The following ATP6V0D2 variants were observed in gnomAD, a reference collection of about 807,000 sequenced individuals.
ATP6V0D2 encodes the protein V-type proton ATPase subunit d 2.
In ATP6V0D2, 40 loss-of-function variants were observed where a neutral mutation model predicts 40.0. The ratio of observed to expected loss-of-function variants is 1.00; its 90% CI spans 0.78 to 1.30. The LOEUF is 1.30. Among genes scored for constraint, ATP6V0D2 ranks in the 50% most tolerant of loss-of-function variants. The pLI, the probability that ATP6V0D2 is intolerant of heterozygous loss-of-function variation, is 0.00. For missense variants in ATP6V0D2, 470 were observed against 423.1 expected, an observed-to-expected ratio of 1.11 and a Z score of -0.97; for synonymous variants, 179 against 156.3, an observed-to-expected ratio of 1.15 and a Z score of -1.08.
chr8:86,140,506 C>A (rs780949761), intron 3 of ATP6V0D2, among the ~76,000 whole-genome samples: 1 of 152,022 alleles, frequency 6.6e-6, no homozygotes, highest in African/African-American at 2.4e-5. Flanking sequence ...TGGAAATAAT[C>A]GTATCTTTTT....
chr8:86,123,601 G>C (rs991022930), intron 2 of ATP6V0D2, among the ~76,000 whole-genome samples: 2 of 152,110 alleles, frequency 1.3e-5, no homozygotes, highest in Admixed American at 1.3e-4. Context: ...GATTTAACAG[G>C]ATTTAGTATC....
chr8:86,119,564 G>A (rs1044976329), intron 2 of ATP6V0D2, among the ~76,000 whole-genome samples: 3 of 152,028 alleles, frequency 2.0e-5, no homozygotes, highest in Admixed American at 6.6e-5. Context: ...AGGAAACTTA[G>A]CATTCATTAA....
At chr8:86,140,111 C>A (rs1188867871) in intron 3 of ATP6V0D2, among the ~76,000 whole-genome samples, 2 of 152,052 alleles carry the variant, frequency 1.3e-5, no homozygotes, top group East Asian at 3.9e-4. Flanking sequence ...TGTCATTTTT[C>A]TGAGATGCTC....
intron 1 of ATP6V0D2, among the ~76,000 whole-genome samples, chr8:86,100,832 A>G (rs1818386920): frequency 6.6e-6 from 1 of 151,990 alleles, no homozygotes; most frequent in South Asian, 2.1e-4. Flanking sequence ...AAATGCAAGG[A>G]ATACATAAAA....
chr8:86,142,346 C>T (rs746735736), intron 4 of ATP6V0D2, among the ~76,000 whole-genome samples: 2 of 152,178 alleles, frequency 1.3e-5, no homozygotes, highest in Non-Finnish European at 2.9e-5. Context: ...ATGCTATCTC[C>T]ATTCCTCAGA....
At chr8:86,145,944 G>A (rs777005003) in intron 5 of ATP6V0D2, among the ~76,000 whole-genome samples, 5 of 152,158 alleles carry the variant, frequency 3.3e-5, no homozygotes, top group Non-Finnish European at 7.3e-5. Flanking sequence ...CACAGAATAG[G>A]TAGTCTAGTA....
At chr8:86,119,919 C>T (rs1818646828) in intron 2 of ATP6V0D2, among the ~76,000 whole-genome samples, 1 of 152,110 alleles carries the variant, frequency 6.6e-6, no homozygotes, top group South Asian at 2.1e-4. Context: ...AATATAGAAT[C>T]CTGCATTCAG....
chr8:86,147,313 A>G (rs1392174401), intron 5 of ATP6V0D2, among the ~76,000 whole-genome samples: 2 of 152,226 alleles, frequency 1.3e-5, no homozygotes, highest in Non-Finnish European at 2.9e-5. Flanking sequence ...TGCAACCGAT[A>G]GTGATTTTGA....
intron 6 of ATP6V0D2, among the ~76,000 whole-genome samples, chr8:86,150,738 T>C (rs1819137969): frequency 6.6e-6 from 1 of 152,216 alleles, no homozygotes; most frequent in Non-Finnish European, 1.5e-5. Context: ...TCCACTCACC[T>C]TGCTGAGTGG....
At chr8:86,110,871 C>T (rs1422134073) in intron 1 of ATP6V0D2, among the ~76,000 whole-genome samples, 3 of 152,092 alleles carry the variant, frequency 2.0e-5, no homozygotes, top group Middle Eastern at 3.2e-3. Context: ...ACAGGACTGG[C>T]ATCATAAGAC....
At chr8:86,122,768 C>T (rs1454055557) in intron 2 of ATP6V0D2, among the ~76,000 whole-genome samples, 4 of 152,090 alleles carry the variant, frequency 2.6e-5, no homozygotes, top group Non-Finnish European at 4.4e-5. Context: ...GAATTTTGGC[C>T]ATTGTTTAAA....
rs77669947 is a variant in ATP6V0D2, at chr8:86,107,367, G to A, written c.131-6342G>A. 1.7e-3 allele frequency among the ~76,000 whole-genome samples: 254 copies of A among 152,230 alleles called. 1 individual carries two copies. The highest frequency in any genetic ancestry group is 3.0e-3 in the Non-Finnish European group (207 of 68,008). ...GGAGAGAAGGCTGGAATTCAGGCTGGGAAAACTCTGAAAAACCTTGAAGGT... is the reference window on the plus strand; with the variant it reads ...GGAGAGAAGGCTGGAATTCAGGCTGAGAAAACTCTGAAAAACCTTGAAGGT... On this transcript the variant is annotated intron_variant, in intron 1 of 7. Transcript: ENST00000285393.
chr8:86,117,686 C>T (rs944677594), intron 2 of ATP6V0D2, among the ~76,000 whole-genome samples: 1 of 152,176 alleles, frequency 6.6e-6, no homozygotes, highest in Non-Finnish European at 1.5e-5. Context: ...TAGATATGGA[C>T]TTACATAGGA....
intron 1 of ATP6V0D2, among the ~76,000 whole-genome samples, chr8:86,113,354 C>T (rs972856680): frequency 5.3e-5 from 8 of 151,970 alleles, no homozygotes; most frequent in Non-Finnish European, 1.2e-4. Context: ...TAGTGGCACA[C>T]GCCTGTGGCC....
chr8:86,136,217 CCTGT>C (rs1369835867), intron 2 of ATP6V0D2, among the ~76,000 whole-genome samples: 2 of 152,154 alleles, frequency 1.3e-5, no homozygotes, highest in Admixed American at 6.5e-5. Flanking sequence ...TGGAGCTTAG[CCTGT>C]CTATTAGTAA....
intron 2 of ATP6V0D2, among the ~76,000 whole-genome samples, chr8:86,135,635 A>AT (rs1035858557): frequency 6.6e-6 from 1 of 152,190 alleles, no homozygotes; most frequent in African/African-American, 2.4e-5. Flanking sequence ...GCATTTAAAG[A>AT]TTTTTTAATA....
chr8:86,120,054 C>A (rs760115183), intron 2 of ATP6V0D2, among the ~76,000 whole-genome samples: 1 of 152,148 alleles, frequency 6.6e-6, no homozygotes, highest in Non-Finnish European at 1.5e-5. Context: ...GTCATGCCTG[C>A]AGATACATTT....
intron 5 of ATP6V0D2, among the ~76,000 whole-genome samples, chr8:86,146,986 T>G (rs953301118): frequency 1.4e-5 from 2 of 142,774 alleles, no homozygotes; most frequent in Admixed American, 1.4e-4. Flanking sequence ...TTTGACCTAA[T>G]TACAAGATTA....
chr8:86,127,952 C>A (rs1818768735), intron 2 of ATP6V0D2, among the ~76,000 whole-genome samples: 3 of 152,136 alleles, frequency 2.0e-5, no homozygotes, highest in African/African-American at 7.2e-5. Context: ...CACAGTGGCT[C>A]ATGCCTGTAA....
Sources: allele counts gnomAD v4.1 joint callset (sites outside exome capture counted in the v4.1 genomes callset), GRCh38; gene constraint gnomAD v4.1.1; transcripts MANE v1.5; gene names NCBI Gene and HGNC (gene_info 2026-07-23, HGNC 2026-07-21).